The following MSH4 variants were observed in gnomAD, a reference collection of about 807,000 sequenced individuals.
MSH4 encodes the protein mutS homolog 4, also known as mutS protein homolog 4.
Under a neutral mutation model 113.7 loss-of-function variants are expected in MSH4, and 106 were observed. The ratio of observed to expected loss-of-function variants is 0.93; its 90% CI spans 0.80 to 1.10. MSH4 has a LOEUF of 1.10. Ranked by LOEUF, MSH4 falls within the 50% of genes least tolerant of loss-of-function variation. MSH4 has a pLI of 0.00. For missense variants in MSH4, 1,061 were observed against 1,093.7 expected, an observed-to-expected ratio of 0.97 and a Z score of 0.42; for synonymous variants, 368 against 380.2, an observed-to-expected ratio of 0.97 and a Z score of 0.37.
intron 19 of MSH4, among the ~76,000 whole-genome samples, chr1:75,907,346 T>C (rs1467155430): frequency 2.0e-5 from 3 of 152,024 alleles, no homozygotes; most frequent in Admixed American, 6.6e-5. Context: ...TCCTGATCTA[T>C]ATGGTTTTTG....
chr1:75,871,072 G>A (rs12743235), intron 9 of MSH4, among the ~76,000 whole-genome samples: 7,146 of 152,224 alleles, frequency 0.047, 207 homozygotes, highest in African/African-American at 0.064. Flanking sequence ...AGTTCAGTAT[G>A]GCTGGGTAGG....
chr1:75,892,216 C>T (rs1652270944), intron 17 of MSH4, among the ~76,000 whole-genome samples: 1 of 152,142 alleles, frequency 6.6e-6, no homozygotes, highest in South Asian at 2.1e-4. Flanking sequence ...GAAACATTGG[C>T]TTTTTCTGGG....
At chr1:75,879,599 G>A (rs535958759) in intron 12 of MSH4, among the ~76,000 whole-genome samples, 1 of 152,028 alleles carries the variant, frequency 6.6e-6, no homozygotes, top group Admixed American at 6.6e-5. Flanking sequence ...TCTGCTTAGG[G>A]GGTACTTTTT....
At position 75,797,126 on chromosome 1, in the gene MSH4, G is replaced by A. The variant is rs752748996; in HGVS notation, c.141G>A (p.Val47=). 9.9e-6 allele frequency: 16 copies of A among 1,613,904 alleles called. No homozygotes were observed. The South Asian group carries it at 1.6e-4, about 17-fold the overall frequency. ...ETPQSRPSVQ[V]VSASTCPGTS... ...CACAGAGCCGCCCTTCGGTCCAGGT[G>A]GTCTCTGCATCCACCTGTCCTGGCA... Residue 47 remains valine, a synonymous_variant, in exon 1 of 20, where the codon GTG becomes GTA. Transcript: ENST00000263187.
chr1:75,897,978 C>T lies in MSH4; in HGVS notation c.2427C>T (p.Asn809=). ...ATGCCCTGTATCCTAATGTAGAAAACATGCATTTTGAAGTTCAACATGTAA... is the reference window on the plus strand; with the variant it reads ...ATGCCCTGTATCCTAATGTAGAAAATATGCATTTTGAAGTTCAACATGTAA... The part of the protein sequence containing the change: ...HIDALYPNVE[N]MHFEVQHVKN... The change falls in exon 18 of 20, where the codon AAC becomes AAT. Residue 809 remains asparagine, a synonymous_variant. Coordinates refer to ENST00000263187, the MANE Select transcript of MSH4 (RefSeq NM_002440.4). 4 of 1,606,664 alleles carry T rather than the reference C, an allele frequency of 2.5e-6. No individual in the cohort carries two copies. Among genetic ancestry groups the T allele is most frequent in the South Asian group, 1.1e-5 (1 of 89,528 alleles).
At chr1:75,809,135 C>A (rs576890347) in intron 3 of MSH4, among the ~76,000 whole-genome samples, 2 of 152,166 alleles carry the variant, frequency 1.3e-5, no homozygotes, top group Non-Finnish European at 1.5e-5. Flanking sequence ...TCCTTAGACT[C>A]GAGTGATCCT....
At chr1:75,847,605 A>G (rs1394109389) in intron 7 of MSH4, among the ~76,000 whole-genome samples, 1 of 152,202 alleles carries the variant, frequency 6.6e-6, no homozygotes, top group Non-Finnish European at 1.5e-5. Flanking sequence ...AGTGACTGGA[A>G]AGTCCAAGAG....
At chr1:75,810,222 G>A (rs958411989) in intron 3 of MSH4, among the ~76,000 whole-genome samples, 1 of 77,508 alleles carries the variant, frequency 1.3e-5, no homozygotes, top group Non-Finnish European at 3.0e-5. Flanking sequence ...TGTTATTGGT[G>A]GTGGTGGTGT....
In MSH4 at chr1:75,815,055, T is replaced by G; in HGVS notation, c.734T>G (p.Phe245Cys). 1 of 1,602,872 alleles carries G rather than the reference T, an allele frequency of 6.2e-7. No homozygotes were observed. Among genetic ancestry groups the G allele is most frequent in the Non-Finnish European group, 8.5e-7 (1 of 1,173,166 alleles). Residue 245 changes from phenylalanine to cysteine, a missense_variant, in exon 5 of 20, where the codon TTC (phenylalanine) becomes TGC (cysteine). Physicochemically the swap from Phe to Cys is radical, Grantham distance 205 (BLOSUM62 -2). Transcript: ENST00000263187. ...VNFTTIQRKY[F>C]NETKGLEYIE... The stretch of plus-strand genomic sequence containing the variant: ...TTCACTACTATCCAAAGGAAATACT[T>G]CAATGAAACAAAAGGATTAGAGTAC...
chr1:75,826,205 G>C (rs1351081352), intron 7 of MSH4, among the ~76,000 whole-genome samples: 4 of 152,092 alleles, frequency 2.6e-5, no homozygotes, highest in Admixed American at 6.6e-5. Flanking sequence ...GGGTGTATGT[G>C]TCCAGGAATT....
intron 19 of MSH4, among the ~76,000 whole-genome samples, chr1:75,902,064 C>T (rs1281734434): frequency 6.6e-6 from 1 of 152,034 alleles, no homozygotes; most frequent in Non-Finnish European, 1.5e-5. Context: ...TTACCTAGCT[C>T]AGATGTGAAC....
In MSH4 at chr1:75,815,079, A is replaced by G. The variant is rs762079352; in HGVS notation, c.758A>G (p.Tyr253Cys). 36 of 1,607,822 alleles carry G rather than the reference A, an allele frequency of 2.2e-5. 1 individual carries two copies. Among genetic ancestry groups the G allele is most frequent in the Admixed American group, 3.4e-5 (2 of 58,902 alleles). ...KYFNETKGLE[Y>C]IEQLCIAEFS... ...TTCAATGAAACAAAAGGATTAGAGT[A>G]CATTGAACAGTTATGCATAGCAGAA... The change falls in exon 5 of 20, where the codon TAC becomes TGC. Residue 253 changes from tyrosine (Y) to cysteine (C), a missense_variant. Coordinates refer to ENST00000263187, the MANE Select transcript of MSH4 (RefSeq NM_002440.4).
chr1:75,866,876 A>G (rs1479935899), intron 8 of MSH4, among the ~76,000 whole-genome samples: 1 of 152,128 alleles, frequency 6.6e-6, no homozygotes, highest in African/African-American at 2.4e-5. Flanking sequence ...TGTAGTCCTA[A>G]AACTCTACTT....
chr1:75,869,244 C>A (rs1651656943), intron 9 of MSH4, among the ~76,000 whole-genome samples: 1 of 152,098 alleles, frequency 6.6e-6, no homozygotes, highest in Non-Finnish European at 1.5e-5. Flanking sequence ...ATCTGTGGAA[C>A]TTTGAACTTG....
intron 18 of MSH4, among the ~76,000 whole-genome samples, chr1:75,898,869 T>A (rs1357690529): frequency 6.6e-6 from 1 of 152,182 alleles, no homozygotes; most frequent in Non-Finnish European, 1.5e-5. Context: ...GATTACTTAT[T>A]TATATCAGAT....
At chr1:75,843,811 G>C (rs2100542796) in intron 7 of MSH4, among the ~76,000 whole-genome samples, 1 of 152,026 alleles carries the variant, frequency 6.6e-6, no homozygotes, top group Admixed American at 6.5e-5. Flanking sequence ...CTTATTTTGT[G>C]GGTTTCTTTT....
intron 15 of MSH4, among the ~76,000 whole-genome samples, chr1:75,886,468 T>A (rs1273066772): frequency 8.1e-6 from 1 of 123,114 alleles, no homozygotes; most frequent in Non-Finnish European, 1.6e-5. Flanking sequence ...TATTATATAT[T>A]ATATATAATA....
chr1:75,876,908 T>G (rs1267205799), intron 9 of MSH4, 28 bp from the exon 10 acceptor site: 1 of 1,321,820 alleles, frequency 7.6e-7, no homozygotes, highest in South Asian at 1.5e-5. Context: ...TTGATTATCC[T>G]TAACTTTTTT....
chr1:75,882,905 A>T (rs1651967162), intron 14 of MSH4, among the ~76,000 whole-genome samples: 1 of 152,138 alleles, frequency 6.6e-6, no homozygotes, highest in Non-Finnish European at 1.5e-5. Flanking sequence ...GTAGGGAAGT[A>T]GTGTTTAAGG....
Sources: gnomAD v4.1 joint callset for allele counts (sites outside exome capture counted in the v4.1 genomes callset) on GRCh38, gnomAD v4.1.1 for gene constraint, MANE v1.5 for transcripts, NCBI Gene and HGNC (gene_info 2026-07-23, HGNC 2026-07-21) for gene names.